CHST11: variants seen among roughly 807,000 people sequenced by gnomAD.
The protein encoded by CHST11 is carbohydrate sulfotransferase 11, also known as C4S-1.
Under a neutral mutation model 30.4 loss-of-function variants are expected in CHST11, and 9 were observed. The ratio of observed to expected loss-of-function variants is 0.30; its 90% CI spans 0.18 to 0.52. The LOEUF is 0.52. CHST11 is among the 20% of genes least tolerant of loss of function. CHST11 has a pLI of 0.97. For synonymous variants in CHST11, 152 were observed against 187.8 expected (o/e 0.81, Z 1.56); for missense variants, 348 against 460.6 (o/e 0.76, Z 2.24).
intron 1 of CHST11, among the ~76,000 whole-genome samples, chr12:104,588,557 G>T (rs986135956): frequency 6.6e-6 from 1 of 152,204 alleles, no homozygotes; most frequent in African/African-American, 2.4e-5. Flanking sequence ...CACCCAGGTG[G>T]CTTCCTTATG....
chr12:104,632,283 T>TG (rs1434089965), intron 2 of CHST11, among the ~76,000 whole-genome samples: 1 of 151,424 alleles, frequency 6.6e-6, no homozygotes, highest in African/African-American at 2.4e-5. Context: ...AGAGGTGTAG[T>TG]GGGGGGACTT....
chr12:104,505,367 G>A (rs2037895012), intron 1 of CHST11, among the ~76,000 whole-genome samples: 1 of 152,150 alleles, frequency 6.6e-6, no homozygotes, highest in Non-Finnish European at 1.5e-5. Context: ...TGCACATGAT[G>A]TCAGTAGTTC....
At chr12:104,735,109 C>T (rs2040290157) in intron 2 of CHST11, among the ~76,000 whole-genome samples, 1 of 152,132 alleles carries the variant, frequency 6.6e-6, no homozygotes, top group South Asian at 2.1e-4. Context: ...AGGTAGGGAT[C>T]TATGGGTAAA....
chr12:104,704,602 A>G (rs1355387901), intron 2 of CHST11, among the ~76,000 whole-genome samples: 1 of 152,182 alleles, frequency 6.6e-6, no homozygotes, highest in African/African-American at 2.4e-5. Context: ...AATGAAGGCC[A>G]TGGCCCAAGT....
chr12:104,506,844 G>A (rs1018538684), intron 1 of CHST11, among the ~76,000 whole-genome samples: 3 of 152,162 alleles, frequency 2.0e-5, no homozygotes, highest in South Asian at 2.1e-4. Flanking sequence ...CCACAGGGAG[G>A]GGAGAGGGGA....
At chr12:104,482,615 G>T (rs2037637496) in intron 1 of CHST11, among the ~76,000 whole-genome samples, 1 of 152,106 alleles carries the variant, frequency 6.6e-6, no homozygotes. Context: ...TTTGAGCAAG[G>T]TAGGAGTTGT....
intron 2 of CHST11, among the ~76,000 whole-genome samples, chr12:104,672,961 C>A (rs2039709453): frequency 6.6e-6 from 1 of 152,214 alleles, no homozygotes; most frequent in Admixed American, 6.5e-5. Flanking sequence ...GAAATGTATT[C>A]TTTCCCAGTT....
chr12:104,711,440 C>T (rs2040086991), intron 2 of CHST11, among the ~76,000 whole-genome samples: 1 of 152,146 alleles, frequency 6.6e-6, no homozygotes, highest in Admixed American at 6.5e-5. Context: ...TCCCTCCTTC[C>T]CTTATACTGT....
At chr12:104,717,200 C>A (rs1321905610) in intron 2 of CHST11, among the ~76,000 whole-genome samples, 1 of 152,226 alleles carries the variant, frequency 6.6e-6, no homozygotes, top group Non-Finnish European at 1.5e-5. Flanking sequence ...GTATTCACAG[C>A]TTCTGCAGGT....
At chr12:104,747,300 C>T (rs926140670) in intron 2 of CHST11, among the ~76,000 whole-genome samples, 2 of 152,226 alleles carry the variant, frequency 1.3e-5, no homozygotes, top group African/African-American at 4.8e-5. Context: ...ACCCCAGACC[C>T]GGTTCCTAGC....
chr12:104,475,671 TATATATATATATATATA>T (rs2135957002), intron 1 of CHST11, among the ~76,000 whole-genome samples: 2 of 74,184 alleles, frequency 2.7e-5, no homozygotes, highest in South Asian at 4.8e-4. Context: ...TATATATATA[TATATATATATATATATA>T]TATTTCTGAT....
At chr12:104,744,873 ATTTATTTATTTATTTT>A (rs1377800842) in intron 2 of CHST11, among the ~76,000 whole-genome samples, 4 of 87,514 alleles carry the variant, frequency 4.6e-5, no homozygotes, top group Non-Finnish European at 6.7e-5. Context: ...TTATTTATTT[ATTTATTTATTTATTTT>A]TTGAGACAGA....
At chr12:104,604,655 G>A (rs2038986492) in intron 2 of CHST11, among the ~76,000 whole-genome samples, 1 of 152,304 alleles carries the variant, frequency 6.6e-6, no homozygotes, top group Admixed American at 6.5e-5. Flanking sequence ...TACCAGCCAA[G>A]CTGTTGAAGC....
At chr12:104,709,889 C>T (rs1425823065) in intron 2 of CHST11, among the ~76,000 whole-genome samples, 1 of 152,174 alleles carries the variant, frequency 6.6e-6, no homozygotes, top group African/African-American at 2.4e-5. Flanking sequence ...ACTCATATCT[C>T]AGTAAAGCTG....
chr12:104,713,261 C>T (rs1196929969), intron 2 of CHST11, among the ~76,000 whole-genome samples: 1 of 152,088 alleles, frequency 6.6e-6, no homozygotes, highest in African/African-American at 2.4e-5. Flanking sequence ...TGTGGCTGGA[C>T]TGCATTTATT....
At chr12:104,673,997 T>G (rs897518040) in intron 2 of CHST11, among the ~76,000 whole-genome samples, 1 of 152,216 alleles carries the variant, frequency 6.6e-6, no homozygotes, top group African/African-American at 2.4e-5. Flanking sequence ...CTGTCAGCTC[T>G]CCCGGCCTCT....
chr12:104,558,302 C>T (rs2038477449), intron 1 of CHST11, among the ~76,000 whole-genome samples: 2 of 152,072 alleles, frequency 1.3e-5, no homozygotes, highest in South Asian at 4.1e-4. Context: ...GAGCCCCTAG[C>T]CCTCTGCCTG....
intron 1 of CHST11, among the ~76,000 whole-genome samples, chr12:104,563,428 C>T (rs779531946): frequency 2.0e-5 from 3 of 152,146 alleles, no homozygotes; most frequent in Non-Finnish European, 2.9e-5. Flanking sequence ...TCCATAGTAG[C>T]CTTTTTCACT....
rs562915212 is a variant in CHST11, at chr12:104,689,820, C to G, written c.205-67129C>G. On this transcript the variant is annotated intron_variant, in intron 2 of 2. Coordinates refer to ENST00000303694, the MANE Select transcript of CHST11 (RefSeq NM_018413.6). ...CCCTCTCTCCTTCCCCCTCCCAATACTGTCCCCAGCTCTGCCCCTGGATGC... is the reference window on the plus strand; with the variant it reads ...CCCTCTCTCCTTCCCCCTCCCAATAGTGTCCCCAGCTCTGCCCCTGGATGC... Among the ~76,000 whole-genome samples, 12 of 152,256 alleles carry G rather than the reference C, an allele frequency of 7.9e-5. No individual in the cohort carries two copies. The South Asian group carries it at 2.5e-3, about 32-fold the overall frequency.
Sources: gnomAD v4.1 joint callset for allele counts (sites outside exome capture counted in the v4.1 genomes callset) on GRCh38, gnomAD v4.1.1 for gene constraint, MANE v1.5 for transcripts, NCBI Gene and HGNC (gene_info 2026-07-23, HGNC 2026-07-21) for gene names.